CSMD1: variants seen among roughly 807,000 people sequenced by gnomAD.
The protein encoded by CSMD1 is CUB and sushi domain-containing protein 1.
Under a neutral mutation model 417.5 loss-of-function variants are expected in CSMD1, and 213 were observed. That is an observed-to-expected ratio of 0.51 (90% CI 0.46 to 0.57). The LOEUF (loss-of-function observed/expected upper bound fraction) is 0.57, where lower values mean the gene tolerates loss of function less well. Among genes scored for constraint, CSMD1 ranks in the 20% least tolerant of loss-of-function variants. CSMD1 has a pLI of 0.00. For missense variants in CSMD1, 6,923 were observed against 4,529.7 expected (o/e 1.53, Z -15.17); for synonymous variants, 2,862 against 1,736.8 (o/e 1.65, Z -16.11).
intron 5 of CSMD1, among the ~76,000 whole-genome samples, chr8:3,763,096 CAG>C (rs1441758017): frequency 5.9e-5 from 9 of 152,166 alleles, no homozygotes; most frequent in South Asian, 2.1e-4. Context: ...TGGCACGTAA[CAG>C]AGTGCTGGGC....
intron 3 of CSMD1, among the ~76,000 whole-genome samples, chr8:4,376,979 G>C (rs533550213): frequency 2.6e-5 from 4 of 152,294 alleles, no homozygotes; most frequent in African/African-American, 9.6e-5. Flanking sequence ...CTGAGCACCA[G>C]CATGGCAGAA....
intron 5 of CSMD1, among the ~76,000 whole-genome samples, chr8:3,839,114 C>A (rs2129092601): frequency 8.1e-6 from 1 of 123,688 alleles, no homozygotes; most frequent in East Asian, 2.3e-4. Context: ...TATATATAGT[C>A]TATATGTATA....
At chr8:4,384,713 C>T (rs144868640) in intron 3 of CSMD1, among the ~76,000 whole-genome samples, 288 of 152,242 alleles carry the variant, frequency 1.9e-3, no homozygotes, top group African/African-American at 6.5e-3. Flanking sequence ...GGCCAAGGCA[C>T]GTGCACACAC....
intron 3 of CSMD1, among the ~76,000 whole-genome samples, chr8:4,249,231 A>G (rs1416369240): frequency 1.3e-5 from 2 of 152,216 alleles, no homozygotes; most frequent in East Asian, 1.9e-4. Context: ...GGTAACATAC[A>G]TAGAAAAGGG....
At chr8:4,704,540 G>C (rs904924646) in intron 1 of CSMD1, among the ~76,000 whole-genome samples, 1 of 152,142 alleles carries the variant, frequency 6.6e-6, no homozygotes, top group African/African-American at 2.4e-5. Flanking sequence ...CCATTATACA[G>C]AAATTGACTG....
At chr8:4,222,493 T>C (rs1801099298) in intron 3 of CSMD1, among the ~76,000 whole-genome samples, 1 of 152,178 alleles carries the variant, frequency 6.6e-6, no homozygotes. Flanking sequence ...CAGTCAATAA[T>C]ATAGTTGTTA....
chr8:4,789,471 G>A (rs1317536693), intron 1 of CSMD1, among the ~76,000 whole-genome samples: 4 of 152,066 alleles, frequency 2.6e-5, no homozygotes, highest in Admixed American at 6.6e-5. Context: ...TTAAACGCCT[G>A]GCACCTGGTT....
At chr8:4,227,626 C>G (rs1026866710) in intron 3 of CSMD1, among the ~76,000 whole-genome samples, 1 of 152,004 alleles carries the variant, frequency 6.6e-6, no homozygotes, top group Non-Finnish European at 1.5e-5. Context: ...GTCAGACACT[C>G]GGCCTTCTTC....
intron 3 of CSMD1, among the ~76,000 whole-genome samples, chr8:4,398,737 G>C (rs35567863): frequency 1.8e-4 from 27 of 152,126 alleles, no homozygotes; most frequent in Middle Eastern, 3.4e-3. Context: ...AATGCTAACA[G>C]ATTTATCAAT....
chr8:4,336,180 C>T (rs987761755), intron 3 of CSMD1, among the ~76,000 whole-genome samples: 6 of 152,158 alleles, frequency 3.9e-5, no homozygotes, highest in Non-Finnish European at 8.8e-5. Context: ...GGTTTGCGGT[C>T]AGCGCTGGTT....
At chr8:4,919,428 A>G (rs182015367) in intron 1 of CSMD1, among the ~76,000 whole-genome samples, 1 of 152,204 alleles carries the variant, frequency 6.6e-6, no homozygotes. Flanking sequence ...CCAATATAAT[A>G]ACAAAAATTA....
chr8:4,263,753 G>C (rs917589939), intron 3 of CSMD1, among the ~76,000 whole-genome samples: 28 of 152,098 alleles, frequency 1.8e-4, no homozygotes, highest in African/African-American at 6.8e-4. Context: ...ATGTGTTCTA[G>C]CTGAAATAAT....
At chr8:3,499,583 GTT>G (rs1367523089) in intron 10 of CSMD1, among the ~76,000 whole-genome samples, 1 of 152,062 alleles carries the variant, frequency 6.6e-6, no homozygotes, top group Non-Finnish European at 1.5e-5. Flanking sequence ...CAGGGTGCTT[GTT>G]GGTAGTGTGC....
chr8:4,231,295 G>A (rs144769632), intron 3 of CSMD1, among the ~76,000 whole-genome samples: 67 of 152,268 alleles, frequency 4.4e-4, no homozygotes, highest in African/African-American at 1.1e-3. Flanking sequence ...TAAGAAAAGC[G>A]TGTGAGGCTC....
At chr8:3,531,891 T>G (rs1035451885) in intron 10 of CSMD1, among the ~76,000 whole-genome samples, 14 of 152,072 alleles carry the variant, frequency 9.2e-5, no homozygotes, top group Admixed American at 8.5e-4. Context: ...TCTCCCCTAA[T>G]CAGCACATGC....
intron 8 of CSMD1, among the ~76,000 whole-genome samples, chr8:3,598,814 G>A (rs1363604832): frequency 1.3e-5 from 2 of 152,264 alleles, no homozygotes; most frequent in African/African-American, 2.4e-5. Flanking sequence ...CAGGTGCAGT[G>A]ACTCACGCCT....
rs538769539 is a variant in CSMD1, at chr8:3,575,084, C to G, written c.1223-18G>C. On this transcript the variant is annotated intron_variant, in intron 9 of 69. Transcript: ENST00000635120. ...TGTTCTCGCTGGAAACACATAGAAA[C>G]GACGTTATTTTCTACAACATTGTGT... 4 of 1,608,624 alleles carry G rather than the reference C, an allele frequency of 2.5e-6. No individual in the cohort carries two copies. Among genetic ancestry groups the G allele is most frequent in the East Asian group, 2.2e-5 (1 of 44,636 alleles).
intron 5 of CSMD1, among the ~76,000 whole-genome samples, chr8:3,906,129 C>T (rs892152580): frequency 6.6e-6 from 1 of 152,146 alleles, no homozygotes; most frequent in Non-Finnish European, 1.5e-5. Context: ...GAATTCCTTC[C>T]ACCCCACAGT....
chr8:4,118,601 G>T (rs73173884), intron 3 of CSMD1, among the ~76,000 whole-genome samples: 3 of 152,168 alleles, frequency 2.0e-5, no homozygotes, highest in Admixed American at 6.5e-5. Context: ...ATAGATGCTG[G>T]CAAGGCTGTG....
Sources: gnomAD v4.1 joint callset for allele counts (sites outside exome capture counted in the v4.1 genomes callset) on GRCh38, gnomAD v4.1.1 for gene constraint, MANE v1.5 for transcripts, NCBI Gene and HGNC (gene_info 2026-07-23, HGNC 2026-07-21) for gene names.